IGFN1: variants seen among roughly 807,000 people sequenced by gnomAD.
IGFN1 encodes immunoglobulin-like and fibronectin type III domain-containing protein 1.
A neutral mutation model predicts 289.5 loss-of-function variants in IGFN1; 253 were observed. The observed-to-expected ratio is 0.87, with a 90% CI of 0.79 to 0.97. IGFN1 has a LOEUF of 0.97. Among genes scored for constraint, IGFN1 ranks in the 50% least tolerant of loss-of-function variants. IGFN1 has a pLI of 0.00. For missense variants in IGFN1, 4,470 were observed against 4,686.1 expected, an observed-to-expected ratio of 0.95 and a Z score of 1.35; for synonymous variants, 1,706 against 1,788.5, an observed-to-expected ratio of 0.95 and a Z score of 1.16.
At position 201,207,421 on chromosome 1, in the gene IGFN1, C is replaced by T. The variant is rs1238999648; in HGVS notation, c.2528C>T (p.Thr843Ile). 3.9e-6 allele frequency: 6 copies of T among 1,532,488 alleles called. No homozygotes were observed. The highest frequency in any genetic ancestry group is 4.0e-5 in the Admixed American group (2 of 50,472). The allele number at this position is 1,532,488 out of a possible 1,614,324, so 94.9% of individuals were successfully genotyped here. Residue 843 changes from threonine (T) to isoleucine (I), a missense_variant, in exon 12 of 24, where the codon ACA (threonine) becomes ATA (isoleucine). Physicochemically the swap from Thr to Ile is moderately conservative, Grantham distance 89. Coordinates refer to ENST00000335211, the MANE Select transcript of IGFN1 (RefSeq NM_001164586.2). ...AAGGGCACAAGTCCTTGGGATGACA[C>T]ACCATCTAGCCTCAGAAAAACTGGG... ...ESKGTSPWDDTPSSLRKTGAH... is the reference protein window; with the variant it reads ...ESKGTSPWDDIPSSLRKTGAH...
At chr1:201,196,797 G>T (rs574612885) in intron 4 of IGFN1, among the ~76,000 whole-genome samples, 2 of 152,144 alleles carry the variant, frequency 1.3e-5, no homozygotes, top group Admixed American at 1.3e-4. Context: ...ATGTCCCAGG[G>T]GCTAAATATT....
At chr1:201,191,331 G>A (rs1406765267) in intron 1 of IGFN1, among the ~76,000 whole-genome samples, 1 of 152,168 alleles carries the variant, frequency 6.6e-6, no homozygotes, top group East Asian at 1.9e-4. Flanking sequence ...CAGTTGAGAG[G>A]TAGCAGGGAC....
chr1:201,196,339 T>C (rs1666915978), intron 4 of IGFN1, among the ~76,000 whole-genome samples: 1 of 152,328 alleles, frequency 6.6e-6, no homozygotes, highest in African/African-American at 2.4e-5. Context: ...GTACCTACTT[T>C]AAGGAGTTGT....
In IGFN1 at chr1:201,205,282, C is replaced by T. The variant is rs371722890; in HGVS notation, c.1117C>T (p.Arg373Cys). The change falls in exon 11 of 24, where the codon CGT becomes TGT. Residue 373 changes from arginine (R) to cysteine (C), a missense_variant. Physicochemically the swap from Arg to Cys is radical, Grantham distance 180 (BLOSUM62 -3). Transcript: ENST00000335211. ...LTHRLVVRGA[R>C]FSDMGPYSLG... is the part of the protein sequence containing the mutation. ...CCACCGGCTGGTGGTGAGGGGGGCACGTTTCTCAGACATGGGCCCCTATTC... is the reference window on the plus strand; with the variant it reads ...CCACCGGCTGGTGGTGAGGGGGGCATGTTTCTCAGACATGGGCCCCTATTC... 52 of 1,550,864 alleles carry T rather than the reference C, an allele frequency of 3.4e-5. No individual in the cohort carries two copies. The African/African-American group carries it at 5.3e-4, about 16-fold the overall frequency.
Position 201,197,262 on chromosome 1 carries a change from A to G in IGFN1, c.312A>G (p.Thr104=), listed in dbSNP as rs1168422136. 17 of 1,551,526 alleles carry G rather than the reference A, an allele frequency of 1.1e-5. No individual in the cohort carries two copies. The highest frequency in any genetic ancestry group is 8.2e-5 in the African/African-American group (6 of 73,068). ...AGGACACGGATCTGTACCGCTGCAC[A>G]GCAGTAAATGCGTACGGAGAGGCCG... ...TGEDTDLYRC[T]AVNAYGEAAC... The change falls in exon 5 of 24, where the codon ACA becomes ACG. Residue 104 remains threonine, a synonymous_variant. Transcript: ENST00000335211.
At chr1:201,205,692 T>C (rs1036350450) in intron 11 of IGFN1, among the ~76,000 whole-genome samples, 4 of 152,148 alleles carry the variant, frequency 2.6e-5, no homozygotes, top group Non-Finnish European at 5.9e-5. Context: ...AAATTTGCGT[T>C]CCAGATGTTC....
chr1:201,196,309 G>C (rs1666914794), intron 4 of IGFN1, among the ~76,000 whole-genome samples: 3 of 152,172 alleles, frequency 2.0e-5, no homozygotes, highest in Admixed American at 2.0e-4. Context: ...CTCCTCATTT[G>C]TAAAAATGGG....
In IGFN1 at chr1:201,208,396, C is replaced by T. The variant is rs1342733364; in HGVS notation, c.3503C>T (p.Thr1168Ile). Residue 1168 changes from threonine to isoleucine, a missense_variant, in exon 12 of 24, where the codon ACA (threonine) becomes ATA (isoleucine). Physicochemically the swap from Thr to Ile is moderately conservative, Grantham distance 89. Around this residue, in one of 8 missense-constraint regions of IGFN1, gnomAD observed 2,011 missense variants for 1,953.4 expected, o/e 1.03. Coordinates refer to ENST00000335211, the MANE Select transcript of IGFN1 (RefSeq NM_001164586.2). ...AGSKVGEGDG[T>I]RCPGAKASGA... ...AGCAAAGTGGGTGAGGGGGATGGGA[C>T]AAGATGCCCTGGTGCTAAGGCCTCT... 5.5e-6 allele frequency: 8 copies of T among 1,452,960 alleles called. No individual in the cohort carries two copies. Among genetic ancestry groups the T allele is most frequent in the Non-Finnish European group, 7.2e-6 (8 of 1,111,420 alleles). 90.0% of individuals were successfully genotyped at this position (1,452,960 alleles called of 1,614,324 possible).
Position 201,207,569 on chromosome 1 carries a change from G to C in IGFN1, c.2676G>C (p.Arg892Ser), listed in dbSNP as rs943135621. 4 of 1,536,970 alleles carry C rather than the reference G, an allele frequency of 2.6e-6. No homozygotes were observed. The highest frequency in any genetic ancestry group is 3.3e-4 in the Middle Eastern group (2 of 5,990). The change falls in exon 12 of 24, where the codon AGG becomes AGC. Residue 892 changes from arginine (R) to serine (S), a missense_variant. Arg to Ser is a moderately radical substitution (Grantham distance 110, BLOSUM62 -1). Coordinates refer to ENST00000335211, the MANE Select transcript of IGFN1 (RefSeq NM_001164586.2). ...ATGCCAGAAGCCACTGGCTAAGTAGGGCTCCAGGCCTGGGTGCTCAGGGAT... is the reference window on the plus strand; with the variant it reads ...ATGCCAGAAGCCACTGGCTAAGTAGCGCTCCAGGCCTGGGTGCTCAGGGAT... ...GVDARSHWLS[R>S]APGLGAQGSG...
chr1:201,224,651 T>C (rs753871198), intron 20 of IGFN1, 28 bp from the exon 21 acceptor site: 57 of 1,604,948 alleles, frequency 3.6e-5, no homozygotes, highest in Non-Finnish European at 4.3e-5. Flanking sequence ...CTTCCCCTTC[T>C]CAACTTTTCC....
chr1:201,226,073 C>T lies in IGFN1; in HGVS notation c.10736C>T (p.Ala3579Val), dbSNP rs1558162929. The T allele has an allele frequency of 1.9e-6, 3 of 1,603,346 alleles. No homozygotes were observed. Among genetic ancestry groups the T allele is most frequent in the South Asian group, 1.1e-5 (1 of 89,874 alleles). ...FRVVAKNELG[A>V]SKPSDTSQPW... ...GTGGTGGCCAAGAATGAGCTGGGGG[C>T]CAGCAAACCCTCGGACACCAGCCAG... Residue 3579 changes from alanine to valine, a missense_variant, in exon 22 of 24, where the codon GCC becomes GTC. Coordinates refer to ENST00000335211, the MANE Select transcript of IGFN1 (RefSeq NM_001164586.2).
intron 7 of IGFN1, 87 bp downstream of exon 7, chr1:201,199,741 C>T: frequency 1.8e-6 from 2 of 1,128,304 alleles, no homozygotes; most frequent in Admixed American, 2.2e-5. Context: ...GGGCTTGAGC[C>T]CCACCTCTAC....
rs1349797920 is a variant in IGFN1 at position 201,212,235 on chromosome 1, C to G, written c.7342C>G (p.Leu2448Val). The change falls in exon 12 of 24, where the codon CTG becomes GTG. Residue 2448 changes from leucine (L) to valine (V), a missense_variant. This residue lies in a region of IGFN1 where 2,218 missense variants were observed against 2,114.1 expected (regional missense o/e 1.05). Transcript: ENST00000335211. Reference sequence around the variant, plus strand: ...AGACAGCCTCAGGGGCACAGGGGTGCTGGGGTCTCAGGGAGGGCGACAGAC... The same window carrying G: ...AGACAGCCTCAGGGGCACAGGGGTGGTGGGGTCTCAGGGAGGGCGACAGAC... The part of the protein sequence containing the change: ...HRDSLRGTGV[L>V]GSQGGRQTLS... 1 of 1,534,190 alleles carries G rather than the reference C, an allele frequency of 6.5e-7. No homozygotes were observed. Among genetic ancestry groups the G allele is most frequent in the Non-Finnish European group, 8.7e-7 (1 of 1,145,698 alleles).
intron 3 of IGFN1, among the ~76,000 whole-genome samples, chr1:201,195,456 C>T (rs1666877296): frequency 6.6e-6 from 1 of 152,154 alleles, no homozygotes; most frequent in South Asian, 2.1e-4. Context: ...CTGCCCGGAA[C>T]TCACAAAATC....
At position 201,212,892 on chromosome 1, in the gene IGFN1, G is replaced by A; in HGVS notation, c.7999G>A (p.Gly2667Arg). ...TGCCGCTTTTGGTGGGACCCATGAA[G>A]GGCCAGGGGGCTTTAAGGGTGGGGA... ...KDAAFGGTHE[G>R]PGGFKGGEGA... The change falls in exon 12 of 24, where the codon GGG becomes AGG. Residue 2667 changes from glycine (G) to arginine (R), a missense_variant. This residue lies in a region of IGFN1 where 2,218 missense variants were observed against 2,114.1 expected (regional missense o/e 1.05). Coordinates refer to ENST00000335211, the MANE Select transcript of IGFN1 (RefSeq NM_001164586.2). The A allele has an allele frequency of 1.3e-6, 2 of 1,551,322 alleles. No homozygotes were observed. The highest frequency in any genetic ancestry group is 1.7e-6 in the Non-Finnish European group (2 of 1,146,932).
chr1:201,216,827 C>A, intron 16 of IGFN1, 74 bp downstream of exon 16: 2 of 1,311,520 alleles, frequency 1.5e-6, no homozygotes, highest in Non-Finnish European at 2.1e-6. Context: ...GGCAGGCTGT[C>A]CCAGAGGCTG....
At chr1:201,215,388 C>G in intron 14 of IGFN1, 151 bp from the exon 15 acceptor site, 1 of 799,998 alleles carries the variant, frequency 1.3e-6, no homozygotes, top group Non-Finnish European at 1.9e-6. Flanking sequence ...TCTTCTGCTG[C>G]AGATGAAGCC....
At chr1:201,222,691 C>T (rs1398298391) in intron 19 of IGFN1, 48 bp from the exon 20 acceptor site, 1 of 1,417,336 alleles carries the variant, frequency 7.1e-7, no homozygotes. Flanking sequence ...GGGCTGGGGT[C>T]CAACTGTGAG....
At position 201,213,023 on chromosome 1, in the gene IGFN1, A is replaced by T; in HGVS notation, c.8130A>T (p.Ser2710=). ...GRGSSVDAED[S]GILGKGNSTE... is the part of the protein sequence containing the mutation. Reference sequence around the variant, plus strand: ...GCAGTTCTGTTGATGCAGAGGACTCAGGTATCCTGGGCAAGGGGAATTCTA... The same window carrying T: ...GCAGTTCTGTTGATGCAGAGGACTCTGGTATCCTGGGCAAGGGGAATTCTA... Residue 2710 remains serine (S), a synonymous_variant, in exon 12 of 24, where the codon TCA becomes TCT. Coordinates refer to ENST00000335211, the MANE Select transcript of IGFN1 (RefSeq NM_001164586.2). 1 of 1,551,568 alleles carries T rather than the reference A, an allele frequency of 6.4e-7. No individual in the cohort carries two copies. The highest frequency in any genetic ancestry group is 8.7e-7 in the Non-Finnish European group (1 of 1,146,942).
Sources: allele counts gnomAD v4.1 joint callset (sites outside exome capture counted in the v4.1 genomes callset), GRCh38; gene constraint gnomAD v4.1.1; regional missense constraint gnomAD v4.1.1; transcripts MANE v1.5; gene names NCBI Gene and HGNC (gene_info 2026-07-23, HGNC 2026-07-21).